The following PAXIP1 variants were observed in gnomAD, a reference collection of about 807,000 sequenced individuals.
The protein encoded by PAXIP1 is PAX-interacting protein 1.
A neutral mutation model predicts 140.6 loss-of-function variants in PAXIP1; 19 were observed. The ratio of observed to expected loss-of-function variants is 0.14; its 90% confidence interval spans 0.09 to 0.20. PAXIP1 has a LOEUF of 0.20. Among genes scored for constraint, PAXIP1 ranks in the 10% least tolerant of loss-of-function variants. The pLI is 1.00. For synonymous variants in PAXIP1, 442 were observed against 444.6 expected, an observed-to-expected ratio of 0.99 and a Z score of 0.07; for missense variants, 920 against 1,208.6, an observed-to-expected ratio of 0.76 and a Z score of 3.54.
intron 6 of PAXIP1, among the ~76,000 whole-genome samples, chr7:154,971,961 G>T (rs1187686155): frequency 1.3e-5 from 2 of 152,138 alleles, no homozygotes; most frequent in Non-Finnish European, 2.9e-5. Flanking sequence ...TCTCACTAGT[G>T]ATCAAATCCA....
chr7:154,951,794 A>G (rs1808282694), intron 16 of PAXIP1: 1 of 152,242 alleles, frequency 6.6e-6, no homozygotes, highest in South Asian at 2.1e-4. Context: ...ACTAATTTTC[A>G]AAGAATTAGC....
At position 154,976,081 on chromosome 7, in the gene PAXIP1, C is replaced by G. The variant is rs758016631; in HGVS notation, c.689G>C (p.Gly230Ala). The G allele has an allele frequency of 1.3e-6, 2 of 1,580,526 alleles. No individual in the cohort carries two copies. Among genetic ancestry groups the G allele is most frequent in the Non-Finnish European group, 1.7e-6 (2 of 1,161,500 alleles). Reference sequence around the variant, plus strand: ...GGATTTAGGTGAAAACTGCTGGTCACCTGAAGGAGACCCTTCTTGAGAGCT... The same window carrying G: ...GGATTTAGGTGAAAACTGCTGGTCAGCTGAAGGAGACCCTTCTTGAGAGCT... ...PASSQEGSPSGDQQFSPKSNT... is the reference protein window; with the variant it reads ...PASSQEGSPSADQQFSPKSNT... The change falls in exon 6 of 21, where the codon GGT becomes GCT. Residue 230 changes from glycine (G) to alanine (A), a missense_variant. Transcript: ENST00000404141.
At chr7:154,985,703 G>T (rs535833983) in intron 4 of PAXIP1, among the ~76,000 whole-genome samples, 4 of 152,042 alleles carry the variant, frequency 2.6e-5, no homozygotes, top group African/African-American at 9.7e-5. Flanking sequence ...AACCAATCAG[G>T]AACACTCTCC....
chr7:155,002,919 T>C lies in PAXIP1; in HGVS notation c.11A>G (p.Gln4Arg), dbSNP rs549457464. 4.3e-5 allele frequency: 58 copies of C among 1,338,104 alleles called. No individual in the cohort carries two copies. The highest frequency in any genetic ancestry group is 1.6e-4 in the South Asian group (10 of 62,524). The allele number at this position is 1,338,104 out of a possible 1,614,324, so 82.9% of individuals were successfully genotyped here. ...CATCTCCTCAGGAACTTTGGGCGCC[T>C]GGTCCGACATGATCGCGGCGGCCCG... is the stretch of plus-strand genomic sequence containing the variant. MSDQAPKVPEEMFR... is the reference protein window; with the variant it reads MSDRAPKVPEEMFR... The change falls in exon 1 of 21, where the codon CAG becomes CGG. Residue 4 changes from glutamine (Q) to arginine (R), a missense_variant. Physicochemically the swap from Gln to Arg is conservative, Grantham distance 43. Coordinates refer to ENST00000404141, the MANE Select transcript of PAXIP1 (RefSeq NM_007349.4).
intron 13 of PAXIP1, among the ~76,000 whole-genome samples, chr7:154,957,738 C>A (rs988805860): frequency 2.0e-5 from 3 of 151,778 alleles, no homozygotes; most frequent in Non-Finnish European, 4.4e-5. Context: ...GAGGCCGAGG[C>A]GGGTGGATCA....
chr7:154,999,216 G>A (rs954521902), intron 1 of PAXIP1, among the ~76,000 whole-genome samples: 1 of 152,188 alleles, frequency 6.6e-6, no homozygotes, highest in East Asian at 1.9e-4. Flanking sequence ...CCTCATAAAC[G>A]TCTGGGTGTT....
At position 154,967,530 on chromosome 7, in the gene PAXIP1, G is replaced by A. The variant is rs915215889; in HGVS notation, c.1893+286C>T. The A allele has an allele frequency of 1.9e-4, 56 of 298,420 alleles. No individual in the cohort carries two copies. The Admixed American group carries it at 2.5e-3, about 13-fold the overall frequency. The allele number at this position is 298,420 out of a possible 1,614,324, so 18.5% of individuals were successfully genotyped here. Reference sequence around the variant, plus strand: ...CCCTCTCCCAGGACACCAAAACCCTGAACTTATTTCCATTGCCCCAATTAT... The same window carrying A: ...CCCTCTCCCAGGACACCAAAACCCTAAACTTATTTCCATTGCCCCAATTAT... On this transcript the variant is annotated intron_variant, in intron 8 of 20. Coordinates refer to ENST00000404141, the MANE Select transcript of PAXIP1 (RefSeq NM_007349.4).
At chr7:154,998,508 A>C in intron 2 of PAXIP1, 142 bp downstream of exon 2, 1 of 471,416 alleles carries the variant, frequency 2.1e-6, no homozygotes, top group Non-Finnish European at 3.4e-6. Flanking sequence ...ATTCCAGCTC[A>C]AAAAAATAAA....
At position 154,954,120 on chromosome 7, in the gene PAXIP1, T is replaced by C; in HGVS notation, c.2821+135A>G. On this transcript the variant is annotated intron_variant, in intron 16 of 20. Coordinates refer to ENST00000404141, the MANE Select transcript of PAXIP1 (RefSeq NM_007349.4). This position sits in a 1 kb window ranked among gnomAD's most constrained non-coding sequence, Gnocchi z 5.1. ...CAAAGGAATCACTGGGGATATGAAATAAATTTTTAAATTTAAATGAATAAC... is the reference window on the plus strand; with the variant it reads ...CAAAGGAATCACTGGGGATATGAAACAAATTTTTAAATTTAAATGAATAAC... 1.7e-6 allele frequency: 1 copy of C among 603,812 alleles called. No individual in the cohort carries two copies. Among genetic ancestry groups the C allele is most frequent in the Non-Finnish European group, 2.5e-6 (1 of 396,822 alleles). The allele number at this position is 603,812 out of a possible 1,614,324, so 37.4% of individuals were successfully genotyped here.
intron 4 of PAXIP1, among the ~76,000 whole-genome samples, chr7:154,985,209 T>C (rs10272802): frequency 0.017 from 2,515 of 152,362 alleles, 66 homozygotes; most frequent in African/African-American, 0.056. Context: ...ATTTTCATTT[T>C]TATACTTTTC....
At chr7:154,979,098 G>T (rs1200170053) in intron 5 of PAXIP1, among the ~76,000 whole-genome samples, 1 of 152,148 alleles carries the variant, frequency 6.6e-6, no homozygotes, top group East Asian at 1.9e-4. Flanking sequence ...GATTTAAGAG[G>T]AAAGCAATGT....
intron 5 of PAXIP1, among the ~76,000 whole-genome samples, chr7:154,977,617 C>T (rs950063385): frequency 6.6e-6 from 1 of 152,074 alleles, no homozygotes; most frequent in Non-Finnish European, 1.5e-5. Flanking sequence ...TAAGAAAAAC[C>T]TAGTCATGGG....
intron 8 of PAXIP1, chr7:154,967,535 T>G: frequency 3.2e-6 from 1 of 308,502 alleles, no homozygotes; most frequent in Non-Finnish European, 6.0e-6. Flanking sequence ...ACCCTGAACT[T>G]ATTTCCATTG....
chr7:154,964,367 G>A (rs559017110), intron 8 of PAXIP1: 4 of 152,164 alleles, frequency 2.6e-5, no homozygotes, highest in Non-Finnish European at 5.9e-5. Context: ...TCAAAATATT[G>A]TACATGGAAA....
At chr7:154,947,576 T>C (rs938683922) in intron 17 of PAXIP1, 1 of 251,902 alleles carries the variant, frequency 4.0e-6, no homozygotes, top group Admixed American at 4.9e-5. Flanking sequence ...AAAGATTTAT[T>C]AAAAGCAGAA....
chr7:155,002,491 C>T (rs907819915), intron 1 of PAXIP1, among the ~76,000 whole-genome samples: 5 of 151,592 alleles, frequency 3.3e-5, no homozygotes, highest in African/African-American at 1.2e-4. Context: ...ACGCCCGGCG[C>T]GGGGAATGGG....
chr7:154,990,465 G>A (rs1810280145), intron 4 of PAXIP1, among the ~76,000 whole-genome samples: 1 of 152,234 alleles, frequency 6.6e-6, no homozygotes, highest in Non-Finnish European at 1.5e-5. Context: ...GCAGGAAGCA[G>A]GAGTCTGTCC....
intron 2 of PAXIP1, among the ~76,000 whole-genome samples, chr7:154,997,243 T>G (rs937248645): frequency 3.9e-5 from 6 of 152,160 alleles, no homozygotes; most frequent in Admixed American, 1.3e-4. Context: ...TTTTTTTCCC[T>G]TTTTCTTTTT....
At chr7:154,999,449 G>A (rs1011472897) in intron 1 of PAXIP1, among the ~76,000 whole-genome samples, 7 of 152,190 alleles carry the variant, frequency 4.6e-5, no homozygotes, top group East Asian at 3.9e-4. Context: ...GGGTGGGCTG[G>A]CTGTGTTTGG....
Sources: gnomAD v4.1 joint callset for allele counts (sites outside exome capture counted in the v4.1 genomes callset) on GRCh38, gnomAD v4.1.1 for gene constraint, Gnocchi (gnomAD v3.1) non-coding constraint, MANE v1.5 for transcripts, NCBI Gene and HGNC (gene_info 2026-07-23, HGNC 2026-07-21) for gene names.